The following PTPN14 variants were observed in gnomAD, a reference collection of about 807,000 sequenced individuals.
PTPN14 encodes tyrosine-protein phosphatase non-receptor type 14.
Under a neutral mutation model 126.8 loss-of-function variants are expected in PTPN14, and 53 were observed. That is an observed-to-expected ratio of 0.42 (90% CI 0.34 to 0.53). The LOEUF (loss-of-function observed/expected upper bound fraction) is 0.53. PTPN14 is among the 20% of genes least tolerant of loss of function. The probability of loss-of-function intolerance (pLI) is 0.08; values close to 1 mark genes in which losing one functional copy is unlikely to be tolerated. For synonymous variants in PTPN14, 630 were observed against 599.3 expected (o/e 1.05, Z -0.75); for missense variants, 1,257 against 1,552.9 (o/e 0.81, Z 3.20).
intron 5 of PTPN14, among the ~76,000 whole-genome samples, chr1:214,405,088 C>A (rs906341955): frequency 6.6e-6 from 1 of 152,188 alleles, no homozygotes; most frequent in South Asian, 2.1e-4. Context: ...CATTTCCATT[C>A]GGAAAGGATG....
At position 214,498,932 on chromosome 1, in the gene PTPN14, C is replaced by T. The variant is rs189384685; in HGVS notation, c.-154-33975G>A. 7.2e-5 allele frequency among the ~76,000 whole-genome samples: 11 copies of T among 152,234 alleles called. No homozygotes were observed. The East Asian group carries it at 2.1e-3, about 29-fold the overall frequency. ...CAAGTCATCCTCCCACTTCAGCCTC[C>T]TGAAAAGCTACGACTACAGGTATGC... On this transcript the variant is annotated intron_variant, in intron 1 of 18. Coordinates refer to ENST00000366956, the MANE Select transcript of PTPN14 (RefSeq NM_005401.5).
chr1:214,384,813 G>A lies in PTPN14; in HGVS notation c.1067-25C>T, dbSNP rs748134226. 1.2e-5 allele frequency: 19 copies of A among 1,588,928 alleles called. No homozygotes were observed. The African/African-American group carries it at 1.3e-4, about 11-fold the overall frequency. On this transcript the variant is annotated intron_variant, in intron 12 of 18. Transcript: ENST00000366956. The surrounding 1 kb of genome is among the most constrained non-coding windows in gnomAD (Gnocchi z 5.3). Reference sequence around the variant, plus strand: ...TCTACAAGAAGTCAAACAAAGGCACGTGAACCTCCAAGCCATCCTGCCACA... The same window carrying A: ...TCTACAAGAAGTCAAACAAAGGCACATGAACCTCCAAGCCATCCTGCCACA...
intron 3 of PTPN14, among the ~76,000 whole-genome samples, chr1:214,421,285 G>A (rs1015263276): frequency 6.6e-6 from 1 of 152,154 alleles, no homozygotes; most frequent in Non-Finnish European, 1.5e-5. Context: ...CTAAGTAAAA[G>A]ATGCCAGACA....
intron 3 of PTPN14, among the ~76,000 whole-genome samples, chr1:214,449,371 C>T: frequency 6.6e-6 from 1 of 152,122 alleles, no homozygotes; most frequent in East Asian, 1.9e-4. Context: ...CTTCTGAGTC[C>T]CTCTTTATTT....
At chr1:214,405,071 G>A (rs1250720435) in intron 5 of PTPN14, among the ~76,000 whole-genome samples, 1 of 152,142 alleles carries the variant, frequency 6.6e-6, no homozygotes, top group African/African-American at 2.4e-5. Flanking sequence ...AACACACACT[G>A]CTTTTACATT....
intron 9 of PTPN14, 60 bp downstream of exon 9, chr1:214,394,839 G>A: frequency 2.1e-6 from 3 of 1,431,812 alleles, no homozygotes; most frequent in Admixed American, 1.7e-5. Flanking sequence ...GACATTAGGA[G>A]TTGAAAAGTC....
In PTPN14 at chr1:214,354,267, T is replaced by G. The variant is rs1309246897; in HGVS notation, c.*3655A>C. 1 of 152,236 alleles carries G rather than the reference T, an allele frequency of 6.6e-6. No individual in the cohort carries two copies. The highest frequency in any genetic ancestry group is 1.9e-4 in the East Asian group (1 of 5,204). 9.4% of individuals were successfully genotyped at this position (152,236 alleles called of 1,614,324 possible). ...AATTAAAAGTAAAATTCTCTCAATT[T>G]AAGCTCCTCAAAAGCTTACGATTCA... On this transcript the variant is annotated 3_prime_UTR_variant, in exon 19 of 19. Transcript: ENST00000366956.
At position 214,353,029 on chromosome 1, in the gene PTPN14, A is replaced by G. The variant is rs559432926; in HGVS notation, c.*4893T>C. 6.6e-6 allele frequency: 1 copy of G among 152,206 alleles called. No individual in the cohort carries two copies. Among genetic ancestry groups the G allele is most frequent in the South Asian group, 2.1e-4 (1 of 4,816 alleles). The allele number at this position is 152,206 out of a possible 1,614,324, so 9.4% of individuals were successfully genotyped here. On this transcript the variant is annotated 3_prime_UTR_variant, in exon 19 of 19. Transcript: ENST00000366956. ...TGAGTAAGAACACAGGTCTGACTCAATCCCATCCCTTGAATCTGTGCTCCC... is the reference window on the plus strand; with the variant it reads ...TGAGTAAGAACACAGGTCTGACTCAGTCCCATCCCTTGAATCTGTGCTCCC...
intron 1 of PTPN14, among the ~76,000 whole-genome samples, chr1:214,478,201 A>G (rs1660906470): frequency 6.6e-6 from 1 of 152,356 alleles, no homozygotes; most frequent in East Asian, 1.9e-4. Flanking sequence ...CATTTGTAGT[A>G]GAGGGTGGCA....
chr1:214,468,883 A>G (rs1660696401), intron 1 of PTPN14, among the ~76,000 whole-genome samples: 1 of 152,220 alleles, frequency 6.6e-6, no homozygotes, highest in South Asian at 2.1e-4. Context: ...TCCCACAGCC[A>G]TTGGTGCTTA....
At chr1:214,448,662 G>A (rs1660202869) in intron 3 of PTPN14, among the ~76,000 whole-genome samples, 1 of 152,150 alleles carries the variant, frequency 6.6e-6, no homozygotes, top group Admixed American at 6.5e-5. Flanking sequence ...AGGTAACTAT[G>A]ATACAGCAGG....
At chr1:214,388,493 G>A (rs1448344671) in intron 11 of PTPN14, among the ~76,000 whole-genome samples, 4 of 151,464 alleles carry the variant, frequency 2.6e-5, no homozygotes, top group Non-Finnish European at 2.9e-5. Context: ...TGCAACCTCC[G>A]CCTCCCGGGT....
chr1:214,467,913 A>G (rs1360470317), intron 1 of PTPN14, among the ~76,000 whole-genome samples: 2 of 152,194 alleles, frequency 1.3e-5, no homozygotes, highest in South Asian at 2.1e-4. Context: ...TGGTCCTTTT[A>G]AAAGTCAATG....
chr1:214,514,770 G>A (rs1318452493), intron 1 of PTPN14, among the ~76,000 whole-genome samples: 1 of 152,144 alleles, frequency 6.6e-6, no homozygotes, highest in Admixed American at 6.5e-5. Context: ...CACATTTAAG[G>A]CTGCAAAAGA....
Position 214,384,041 on chromosome 1 carries a change from G to A in PTPN14, c.1814C>T (p.Ser605Leu), listed in dbSNP as rs771168517. The change falls in exon 13 of 19, where the codon TCG (serine) becomes TTG (leucine). Residue 605 changes from serine (S) to leucine (L), a missense_variant. Around this residue, in one of 3 missense-constraint regions of PTPN14, gnomAD observed 1,021 missense variants for 1,183.3 expected, o/e 0.86. Transcript: ENST00000366956. This position sits in a 1 kb window ranked among gnomAD's most constrained non-coding sequence, Gnocchi z 5.3. ...PDLVTRKVQL[S>L]VKTFQEDSSP... ...GCTGTCCTCTTGGAAGGTCTTCACC[G>A]AGAGCTGCACCTTCCGGGTCACCAG... 17 of 1,594,050 alleles carry A rather than the reference G, an allele frequency of 1.1e-5. No homozygotes were observed. The highest frequency in any genetic ancestry group is 6.7e-5 in the African/African-American group (5 of 74,660).
chr1:214,362,437 T>C (rs1380685343), intron 18 of PTPN14, among the ~76,000 whole-genome samples: 2 of 152,194 alleles, frequency 1.3e-5, no homozygotes, highest in African/African-American at 2.4e-5. Flanking sequence ...GGACACACCA[T>C]AGAGCATTTA....
intron 1 of PTPN14, among the ~76,000 whole-genome samples, chr1:214,472,853 C>G (rs913847532): frequency 2.6e-5 from 4 of 152,172 alleles, no homozygotes; most frequent in African/African-American, 9.7e-5. Flanking sequence ...GATTGCAGAT[C>G]CAGACACGTT....
chr1:214,400,355 A>G (rs1182275233), intron 7 of PTPN14, among the ~76,000 whole-genome samples: 1 of 152,228 alleles, frequency 6.6e-6, no homozygotes, highest in East Asian at 1.9e-4. Flanking sequence ...GGGGGGAAAG[A>G]GAAGAAAAAG....
intron 17 of PTPN14, among the ~76,000 whole-genome samples, chr1:214,365,125 T>A (rs1471540360): frequency 6.6e-6 from 1 of 152,190 alleles, no homozygotes; most frequent in Admixed American, 6.5e-5. Context: ...AGCATCCATC[T>A]GCCCCTTCTT....
Sources: gnomAD v4.1 joint callset for allele counts (sites outside exome capture counted in the v4.1 genomes callset) on GRCh38, gnomAD v4.1.1 for gene constraint, gnomAD v4.1.1 regional missense constraint, Gnocchi (gnomAD v3.1) non-coding constraint, MANE v1.5 for transcripts, NCBI Gene and HGNC (gene_info 2026-07-23, HGNC 2026-07-21) for gene names.